GPC5: variants seen among roughly 807,000 people sequenced by gnomAD.
The protein encoded by GPC5 is glypican 5.
In GPC5, 47 loss-of-function variants were observed where a neutral mutation model predicts 53.9. The ratio of observed to expected loss-of-function variants is 0.87; its 90% CI spans 0.69 to 1.11. The LOEUF is 1.11. GPC5 is among the 50% of genes most tolerant of loss of function. GPC5 has a pLI of 0.00. For synonymous variants in GPC5, 286 were observed against 263.3 expected, an observed-to-expected ratio of 1.09 and a Z score of -0.84; for missense variants, 748 against 713.1, an observed-to-expected ratio of 1.05 and a Z score of -0.56.
intron 7 of GPC5, among the ~76,000 whole-genome samples, chr13:92,149,051 G>C (rs1034477526): frequency 6.6e-6 from 1 of 151,804 alleles, no homozygotes; most frequent in Non-Finnish European, 1.5e-5. Flanking sequence ...TTGGCAAGCT[G>C]GTTCACAGTG....
chr13:91,966,877 A>ATGTT (rs2040185822), intron 6 of GPC5, among the ~76,000 whole-genome samples: 1 of 152,240 alleles, frequency 6.6e-6, no homozygotes, highest in Admixed American at 6.5e-5. Context: ...AAATATTGCA[A>ATGTT]TCTGATTATA....
intron 2 of GPC5, among the ~76,000 whole-genome samples, chr13:91,667,141 A>G (rs184083461): frequency 1.2e-3 from 187 of 152,264 alleles, no homozygotes; most frequent in Non-Finnish European, 1.9e-3. Flanking sequence ...GTCTTTTTGC[A>G]TTTATGATGT....
chr13:92,346,069 G>T (rs2043409066), intron 7 of GPC5, among the ~76,000 whole-genome samples: 1 of 152,120 alleles, frequency 6.6e-6, no homozygotes. Flanking sequence ...TGCCCAGGCA[G>T]GGACACTCCC....
At chr13:92,120,767 A>G (rs138431052) in intron 6 of GPC5, among the ~76,000 whole-genome samples, 1 of 152,286 alleles carries the variant, frequency 6.6e-6, no homozygotes, top group Admixed American at 6.5e-5. Context: ...GAAAATTGAG[A>G]TGTGAAATTT....
chr13:92,796,633 C>T (rs1325550068), intron 7 of GPC5, among the ~76,000 whole-genome samples: 1 of 151,926 alleles, frequency 6.6e-6, no homozygotes, highest in South Asian at 2.1e-4. Context: ...ACTACCCTTA[C>T]CATCCACCTT....
rs973025594 is a variant in GPC5 at position 91,433,901 on chromosome 13, T to G, written c.164-14860T>G. Among the ~76,000 whole-genome samples, 452 of 152,158 alleles carry G rather than the reference T, an allele frequency of 3.0e-3. 16 individuals are homozygous for G. The South Asian group carries it at 0.079, about 26-fold the overall frequency. ...TTTTAAAGATCGCCAGTCTAACTGG[T>G]GTGAGATGGTATCTCATTGTGGTTT... On this transcript the variant is annotated intron_variant, in intron 1 of 7. Coordinates refer to ENST00000377067, the MANE Select transcript of GPC5 (RefSeq NM_004466.6).
chr13:92,331,751 G>C (rs1238275251), intron 7 of GPC5, among the ~76,000 whole-genome samples: 1 of 151,632 alleles, frequency 6.6e-6, no homozygotes, highest in Non-Finnish European at 1.5e-5. Context: ...TATCAGCACA[G>C]CCAAACTTTT....
chr13:91,573,655 A>AT (rs1395936055), intron 2 of GPC5, among the ~76,000 whole-genome samples: 3 of 152,028 alleles, frequency 2.0e-5, no homozygotes, highest in East Asian at 1.9e-4. Context: ...TATATTGATA[A>AT]TTTTTTCTAG....
At chr13:92,684,146 A>G (rs1887186464) in intron 7 of GPC5, among the ~76,000 whole-genome samples, 1 of 152,210 alleles carries the variant, frequency 6.6e-6, no homozygotes, top group Non-Finnish European at 1.5e-5. Context: ...GCCTTTTTCA[A>G]AATGTCATAT....
intron 7 of GPC5, among the ~76,000 whole-genome samples, chr13:92,585,094 G>A (rs1170948815): frequency 6.6e-6 from 1 of 152,100 alleles, no homozygotes; most frequent in Non-Finnish European, 1.5e-5. Flanking sequence ...CCCACACAGA[G>A]TCCCTCCTGG....
At chr13:92,725,750 T>C (rs1344533950) in intron 7 of GPC5, among the ~76,000 whole-genome samples, 2 of 151,586 alleles carry the variant, frequency 1.3e-5, no homozygotes, top group African/African-American at 2.4e-5. Context: ...AATAGAGCTC[T>C]TCACTGGAGT....
At chr13:91,448,215 C>G (rs1247914209) in intron 1 of GPC5, among the ~76,000 whole-genome samples, 2 of 152,178 alleles carry the variant, frequency 1.3e-5, no homozygotes, top group African/African-American at 4.8e-5. Context: ...GGATGCTGAG[C>G]TTGGGCCCAT....
At chr13:91,683,571 C>G (rs2035556211) in intron 2 of GPC5, among the ~76,000 whole-genome samples, 1 of 152,168 alleles carries the variant, frequency 6.6e-6, no homozygotes, top group South Asian at 2.1e-4. Context: ...TGCCATTTAC[C>G]AGACTTCTGG....
chr13:91,600,565 T>C (rs2033149941), intron 2 of GPC5, among the ~76,000 whole-genome samples: 1 of 152,072 alleles, frequency 6.6e-6, no homozygotes, highest in South Asian at 2.1e-4. Context: ...AAAATTAAAA[T>C]AATGTTTATG....
chr13:91,606,934 G>T (rs985021902), intron 2 of GPC5, among the ~76,000 whole-genome samples: 4 of 150,962 alleles, frequency 2.6e-5, no homozygotes, highest in African/African-American at 4.9e-5. Context: ...TTTTTGAAGG[G>T]TTTTTTGTGT....
At chr13:91,432,912 G>A (rs1021249830) in intron 1 of GPC5, among the ~76,000 whole-genome samples, 27 of 151,980 alleles carry the variant, frequency 1.8e-4, no homozygotes, top group South Asian at 2.1e-4. Flanking sequence ...GAGCTAAGAC[G>A]GTGGCTTATT....
chr13:92,156,842 T>C (rs1020058988), intron 7 of GPC5, among the ~76,000 whole-genome samples: 9 of 152,052 alleles, frequency 5.9e-5, no homozygotes, highest in Non-Finnish European at 1.0e-4. Flanking sequence ...TGTGTGTTTA[T>C]ATATTGTAAT....
At chr13:91,621,972 T>G (rs2033873034) in intron 2 of GPC5, among the ~76,000 whole-genome samples, 2 of 151,718 alleles carry the variant, frequency 1.3e-5, no homozygotes, top group Admixed American at 1.3e-4. Flanking sequence ...ATCACTGGTG[T>G]AAGTCTGAGT....
chr13:92,147,832 AG>A (rs1486091997), intron 7 of GPC5, among the ~76,000 whole-genome samples: 7 of 152,110 alleles, frequency 4.6e-5, no homozygotes, highest in Non-Finnish European at 1.0e-4. Context: ...AGCATGCTGA[AG>A]TAAAGAGGGA....
Sources: allele counts gnomAD v4.1 joint callset (sites outside exome capture counted in the v4.1 genomes callset), GRCh38; gene constraint gnomAD v4.1.1; transcripts MANE v1.5; gene names NCBI Gene and HGNC (gene_info 2026-07-23, HGNC 2026-07-21).